NFIX: variants seen among roughly 807,000 people sequenced by gnomAD.
The protein encoded by NFIX is nuclear factor 1 X-type.
In NFIX, 2 loss-of-function variants were observed where a neutral mutation model predicts 53.3. The ratio of observed to expected loss-of-function variants is 0.04; its 90% confidence interval spans 0.02 to 0.12. The LOEUF is 0.12. Ranked by LOEUF, NFIX falls within the 10% of genes least tolerant of loss-of-function variation. NFIX has a pLI of 1.00. For missense variants in NFIX, 310 were observed against 674.5 expected, an observed-to-expected ratio of 0.46 and a Z score of 5.99; for synonymous variants, 244 against 289.0, an observed-to-expected ratio of 0.84 and a Z score of 1.58.
At chr19:13,032,463 A>G (rs927104472) in intron 2 of NFIX, among the ~76,000 whole-genome samples, 1 of 152,226 alleles carries the variant, frequency 6.6e-6, no homozygotes, top group African/African-American at 2.4e-5. Flanking sequence ...TGTGTGTTGC[A>G]TCGTTCGAGG....
chr19:13,067,683 C>G lies in NFIX; in HGVS notation c.560-5364C>G, dbSNP rs1274627625. On this transcript the variant is annotated intron_variant, in intron 2 of 10. Coordinates refer to ENST00000592199, the MANE Select transcript of NFIX (RefSeq NM_001365902.3). The surrounding 1 kb of genome is among the most constrained non-coding windows in gnomAD (Gnocchi z 4.2). ...CCAGCAAATTATACATGGCCCCTTT[C>G]ACAGTACAAGTTTGTTTCGAGCAGG... Among the ~76,000 whole-genome samples the G allele has an allele frequency of 6.6e-6, 1 of 152,122 alleles. No homozygotes were observed. Among genetic ancestry groups the G allele is most frequent in the Non-Finnish European group, 1.5e-5 (1 of 68,026 alleles).
intron 2 of NFIX, among the ~76,000 whole-genome samples, chr19:13,071,832 C>T (rs1726675754): frequency 1.3e-5 from 2 of 152,180 alleles, no homozygotes; most frequent in African/African-American, 4.8e-5. Flanking sequence ...TGGGCTGCAT[C>T]CTGCCCTCCA....
intron 2 of NFIX, among the ~76,000 whole-genome samples, chr19:13,050,595 G>T (rs1019074322): frequency 2.6e-5 from 4 of 152,092 alleles, no homozygotes; most frequent in Non-Finnish European, 5.9e-5. Flanking sequence ...TTCCAAGTGT[G>T]CATGTCACAG....
In NFIX at chr19:13,013,779, C is replaced by T. The variant is rs1266902106; in HGVS notation, c.28-11242C>T. On this transcript the variant is annotated intron_variant, in intron 1 of 10. Transcript: ENST00000592199. This position sits in a 1 kb window ranked among gnomAD's most constrained non-coding sequence, Gnocchi z 5.9. ...TACGTGCCGGTGACGCTTCGTGGAG[C>T]TGGCGAGCCTCGCCTGTCCCGCGAC... 2 of 152,202 alleles carry T rather than the reference C, an allele frequency of 1.3e-5. No homozygotes were observed. Among genetic ancestry groups the T allele is most frequent in the African/African-American group, 4.8e-5 (2 of 41,446 alleles). The allele number at this position is 152,202 out of a possible 1,614,324, so 9.4% of individuals were successfully genotyped here. A position where few individuals can be genotyped will look rare whatever the true frequency, so the allele number is the denominator to read the frequency against.
At chr19:13,018,976 G>A (rs1178924281) in intron 1 of NFIX, among the ~76,000 whole-genome samples, 1 of 152,152 alleles carries the variant, frequency 6.6e-6, no homozygotes, top group African/African-American at 2.4e-5. Flanking sequence ...AATGGATACT[G>A]GAATATCTGG....
At chr19:13,091,394 T>C (rs1599883213) in intron 10 of NFIX, among the ~76,000 whole-genome samples, 4 of 122,152 alleles carry the variant, frequency 3.3e-5, no homozygotes, top group Admixed American at 1.6e-4. Context: ...TTTCCTTTCC[T>C]TCCCTCAAAA....
rs906364995 is a variant in NFIX, at chr19:13,052,359, A to C, written c.560-20688A>C. Among the ~76,000 whole-genome samples, 4 of 152,154 alleles carry C rather than the reference A, an allele frequency of 2.6e-5. No homozygotes were observed. Among genetic ancestry groups the C allele is most frequent in the Non-Finnish European group, 5.9e-5 (4 of 68,024 alleles). On this transcript the variant is annotated intron_variant, in intron 2 of 10. Coordinates refer to ENST00000592199, the MANE Select transcript of NFIX (RefSeq NM_001365902.3). This position sits in a 1 kb window ranked among gnomAD's most constrained non-coding sequence, Gnocchi z 5.2. ...ACTGCTGGCCATCTAGGCTGGGGGT[A>C]GAGCCCAGATGGGAGCCCACCTGGA...
Position 13,002,197 on chromosome 19 carries a change from T to C in NFIX, c.27+6333T>C, listed in dbSNP as rs992701656. 2.9e-5 allele frequency among the ~76,000 whole-genome samples: 4 copies of C among 139,740 alleles called. No individual in the cohort carries two copies. Among genetic ancestry groups the C allele is most frequent in the African/African-American group, 1.0e-4 (4 of 38,508 alleles). The allele number at this position is 139,740 out of a possible 152,430, so 91.7% of individuals were successfully genotyped here. On this transcript the variant is annotated intron_variant, in intron 1 of 10. Coordinates refer to ENST00000592199, the MANE Select transcript of NFIX (RefSeq NM_001365902.3). The surrounding 1 kb of genome is among the most constrained non-coding windows in gnomAD (Gnocchi z 6.1). ...CTGAGGTCCCCCCTTCTTTCCCCCTTTCTCTCTCTCTCTTTCCTCCCTCTC... is the reference window on the plus strand; with the variant it reads ...CTGAGGTCCCCCCTTCTTTCCCCCTCTCTCTCTCTCTCTTTCCTCCCTCTC...
chr19:13,047,303 C>T (rs1210148959), intron 2 of NFIX, among the ~76,000 whole-genome samples: 1 of 151,808 alleles, frequency 6.6e-6, no homozygotes, highest in Non-Finnish European at 1.5e-5. Flanking sequence ...CTTCAGGTAG[C>T]TTACCTATCC....
In NFIX at chr19:13,001,523, G is replaced by A. The variant is rs1364847158; in HGVS notation, c.27+5659G>A. The stretch of plus-strand genomic sequence containing the variant: ...ATCTTTGTATCTGCGCTTTGTATCT[G>A]GGGTGACAGTGTCCCAGCGACATGC... On this transcript the variant is annotated intron_variant, in intron 1 of 10. Transcript: ENST00000592199. This position sits in a 1 kb window ranked among gnomAD's most constrained non-coding sequence, Gnocchi z 6.5. 6.6e-6 allele frequency among the ~76,000 whole-genome samples: 1 copy of A among 152,148 alleles called. No individual in the cohort carries two copies. The highest frequency in any genetic ancestry group is 1.5e-5 in the Non-Finnish European group (1 of 68,020).
intron 8 of NFIX, among the ~76,000 whole-genome samples, chr19:13,082,894 T>A (rs759226089): frequency 1.3e-5 from 2 of 152,254 alleles, no homozygotes; most frequent in Non-Finnish European, 2.9e-5. Flanking sequence ...GGCTGCCTGC[T>A]GCCACCAGCC....
intron 2 of NFIX, among the ~76,000 whole-genome samples, chr19:13,056,152 T>G (rs572820988): frequency 6.6e-6 from 1 of 152,230 alleles, no homozygotes; most frequent in South Asian, 2.1e-4. Context: ...GCTGCCGCAG[T>G]ACCCGCCCTT....
rs1215246457 is a variant in NFIX, at chr19:13,025,882, G to C, written c.559+330G>C. Reference sequence around the variant, plus strand: ...CCCCCAGAATTATCCATGATGGTGAGAGTTTGAGATGAACAACAACAGCAA... The same window carrying C: ...CCCCCAGAATTATCCATGATGGTGACAGTTTGAGATGAACAACAACAGCAA... On this transcript the variant is annotated intron_variant, in intron 2 of 10. Coordinates refer to ENST00000592199, the MANE Select transcript of NFIX (RefSeq NM_001365902.3). This position sits in a 1 kb window ranked among gnomAD's most constrained non-coding sequence, Gnocchi z 7.5. 6.6e-6 allele frequency among the ~76,000 whole-genome samples: 1 copy of C among 152,204 alleles called. No homozygotes were observed. Among genetic ancestry groups the C allele is most frequent in the Admixed American group, 6.5e-5 (1 of 15,286 alleles).
At chr19:13,033,158 C>T (rs781338198) in intron 2 of NFIX, among the ~76,000 whole-genome samples, 1 of 152,154 alleles carries the variant, frequency 6.6e-6, no homozygotes, top group African/African-American at 2.4e-5. Flanking sequence ...GAAAACAGCA[C>T]GACAAACGCC....
Position 13,078,759 on chromosome 19 carries a change from G to C in NFIX, c.1078+24G>C, listed in dbSNP as rs750303463. The C allele has an allele frequency of 1.6e-5, 25 of 1,586,482 alleles. No individual in the cohort carries two copies. The highest frequency in any genetic ancestry group is 1.9e-5 in the Non-Finnish European group (22 of 1,165,848). ...AGGTGAGAAATGGGGGGCCCCGGAG[G>C]GGGGCAGTTGGGGAGGTGGCTGAGT... On this transcript the variant is annotated intron_variant, in intron 7 of 10. Coordinates refer to ENST00000592199, the MANE Select transcript of NFIX (RefSeq NM_001365902.3). The surrounding 1 kb of genome is among the most constrained non-coding windows in gnomAD (Gnocchi z 4.7).
Position 13,096,211 on chromosome 19 carries a change from TTC to T in NFIX, c.*1570_*1571del, listed in dbSNP as rs199726177. The T allele has an allele frequency of 2.6e-5, 4 of 152,882 alleles. No homozygotes were observed. The highest frequency in any genetic ancestry group is 1.9e-4 in the East Asian group (1 of 5,196). The allele number at this position is 152,882 out of a possible 1,614,324, so 9.5% of individuals were successfully genotyped here. A position where few individuals can be genotyped will look rare whatever the true frequency, so the allele number is the denominator to read the frequency against. ...TTCTTGAGTCCTTGTGCCTCTCTCTTTCTCTCTCTTTCTTAATTGTATGAAAA... is the reference window on the plus strand; with the variant it reads ...TTCTTGAGTCCTTGTGCCTCTCTCTTTCTCTCTTTCTTAATTGTATGAAAA... On this transcript the variant is annotated 3_prime_UTR_variant, in exon 11 of 11. Transcript: ENST00000592199.
chr19:13,061,092 C>A (rs1007559205), intron 2 of NFIX, among the ~76,000 whole-genome samples: 1 of 109,072 alleles, frequency 9.2e-6, no homozygotes, highest in Non-Finnish European at 2.1e-5. Flanking sequence ...ACCCCCCCCT[C>A]CCCCCCAAAT....
intron 10 of NFIX, among the ~76,000 whole-genome samples, chr19:13,092,868 A>G (rs2018227782): frequency 6.6e-6 from 1 of 152,178 alleles, no homozygotes; most frequent in African/African-American, 2.4e-5. Context: ...GCCAGGCCCC[A>G]ATGAGCCTCT....
At chr19:13,087,384 C>T (rs1198062620) in intron 8 of NFIX, among the ~76,000 whole-genome samples, 1 of 152,160 alleles carries the variant, frequency 6.6e-6, no homozygotes, top group Admixed American at 6.5e-5. Flanking sequence ...CCTGGCCATT[C>T]TTGAGAGAAC....
Sources: gnomAD v4.1 joint callset for allele counts (sites outside exome capture counted in the v4.1 genomes callset) on GRCh38, gnomAD v4.1.1 for gene constraint, Gnocchi (gnomAD v3.1) non-coding constraint, MANE v1.5 for transcripts, NCBI Gene and HGNC (gene_info 2026-07-23, HGNC 2026-07-21) for gene names.